PDE7B: variants seen among roughly 807,000 people sequenced by gnomAD.
The protein encoded by PDE7B is 3',5'-cyclic-AMP phosphodiesterase 7B.
A neutral mutation model predicts 56.2 loss-of-function variants in PDE7B; 29 were observed. The observed-to-expected ratio is 0.52, with a 90% CI of 0.38 to 0.70. The LOEUF (loss-of-function observed/expected upper bound fraction) is 0.70, where lower values mean the gene tolerates loss of function less well. Among genes scored for constraint, PDE7B ranks in the 30% least tolerant of loss-of-function variants. The probability of loss-of-function intolerance (pLI) is 0.00; values close to 1 mark genes in which losing one functional copy is unlikely to be tolerated. For synonymous variants in PDE7B, 197 were observed against 196.9 expected (o/e 1.00, Z 0.00); for missense variants, 490 against 565.0 (o/e 0.87, Z 1.35).
At chr6:135,984,161 TC>T (rs1474014999) in intron 2 of PDE7B, among the ~76,000 whole-genome samples, 1 of 152,212 alleles carries the variant, frequency 6.6e-6, no homozygotes, top group Non-Finnish European at 1.5e-5. Context: ...GGAAGATTTT[TC>T]ATCAGCCAGA....
chr6:135,963,304 A>G (rs1441020782), intron 2 of PDE7B, among the ~76,000 whole-genome samples: 1 of 152,134 alleles, frequency 6.6e-6, no homozygotes. Flanking sequence ...CAAGATCTCT[A>G]TTTTCTTCCT....
chr6:135,882,773 T>A (rs1775632571), intron 1 of PDE7B, among the ~76,000 whole-genome samples: 1 of 152,200 alleles, frequency 6.6e-6, no homozygotes, highest in Non-Finnish European at 1.5e-5. Flanking sequence ...CTATATCTGT[T>A]ATGCTGAGAA....
intron 1 of PDE7B, among the ~76,000 whole-genome samples, chr6:135,854,557 A>G (rs565448534): frequency 2.1e-4 from 32 of 152,324 alleles, no homozygotes; most frequent in African/African-American, 7.2e-4. Context: ...TGGCATTTGG[A>G]AATGTGAGGT....
chr6:135,944,568 CTCA>C (rs1375281441), intron 1 of PDE7B, among the ~76,000 whole-genome samples: 2 of 152,130 alleles, frequency 1.3e-5, no homozygotes, highest in Non-Finnish European at 2.9e-5. Flanking sequence ...AGAGGACCAC[CTCA>C]TTGTCATTGG....
chr6:136,079,286 G>A (rs1028338300), intron 2 of PDE7B, among the ~76,000 whole-genome samples: 3 of 152,046 alleles, frequency 2.0e-5, no homozygotes, highest in Admixed American at 6.6e-5. Context: ...TTTGTTCTCC[G>A]TTTGAAAAAC....
Position 136,154,235 on chromosome 6 carries a change from A to G in PDE7B, c.579+60A>G, listed in dbSNP as rs1778570583. 7 of 983,958 alleles carry G rather than the reference A, an allele frequency of 7.1e-6. No individual in the cohort carries two copies. In the East Asian group the frequency reaches 1.7e-4, roughly 24 times the overall value. The allele number at this position is 983,958 out of a possible 1,614,324, so 61.0% of individuals were successfully genotyped here. ...GGAAATGCCAAGGAAACTACCTGCT[A>G]GGCCCAAGTTACCCAACATATCTGA... On this transcript the variant is annotated intron_variant, in intron 7 of 12. Transcript: ENST00000308191.
At chr6:136,015,260 C>T (rs983291566) in intron 2 of PDE7B, among the ~76,000 whole-genome samples, 3 of 152,266 alleles carry the variant, frequency 2.0e-5, no homozygotes, top group South Asian at 2.1e-4. Flanking sequence ...CTGATCACTG[C>T]GGGGGTCGGG....
At chr6:136,134,233 G>T (rs949795799) in intron 3 of PDE7B, among the ~76,000 whole-genome samples, 7 of 152,126 alleles carry the variant, frequency 4.6e-5, no homozygotes, top group Non-Finnish European at 1.0e-4. Context: ...AGCAGTTGTA[G>T]TACGTTATGG....
intron 1 of PDE7B, among the ~76,000 whole-genome samples, chr6:135,867,649 C>T (rs903141781): frequency 1.3e-5 from 2 of 152,114 alleles, no homozygotes; most frequent in African/African-American, 2.4e-5. Flanking sequence ...TTTTATGAAA[C>T]GTTACTCTTC....
Position 135,903,863 on chromosome 6 carries a change from C to G in PDE7B, c.22-43601C>G, listed in dbSNP as rs115610312. ...AAAACTGGCATCCTCTATAGGGTGC[C>G]CTAGAAGGACCATTCTGTAAACATT... is the stretch of plus-strand genomic sequence containing the variant. On this transcript the variant is annotated intron_variant, in intron 1 of 12. Coordinates refer to ENST00000308191, the MANE Select transcript of PDE7B (RefSeq NM_018945.4). Among the ~76,000 whole-genome samples the G allele has an allele frequency of 4.6e-3, 692 of 151,944 alleles. 8 individuals carry two copies. The highest frequency in any genetic ancestry group is 0.016 in the African/African-American group (659 of 41,436).
chr6:136,018,189 GATTGGCA>G (rs760296818), intron 2 of PDE7B, among the ~76,000 whole-genome samples: 4 of 152,176 alleles, frequency 2.6e-5, no homozygotes, highest in Non-Finnish European at 5.9e-5. Flanking sequence ...AGGATGGAAC[GATTGGCA>G]GGATCGAGGC....
chr6:135,901,462 T>C (rs574912980), intron 1 of PDE7B, among the ~76,000 whole-genome samples: 3 of 152,320 alleles, frequency 2.0e-5, no homozygotes, highest in Non-Finnish European at 4.4e-5. Context: ...GCCCAGCTCA[T>C]AGCAGATGAC....
chr6:135,987,784 A>G (rs1040466669), intron 2 of PDE7B, among the ~76,000 whole-genome samples: 18 of 152,148 alleles, frequency 1.2e-4, no homozygotes, highest in African/African-American at 3.6e-4. Flanking sequence ...TAATAAATAC[A>G]TGAGAAGATG....
chr6:135,987,072 C>T (rs1173790497), intron 2 of PDE7B, among the ~76,000 whole-genome samples: 2 of 152,186 alleles, frequency 1.3e-5, no homozygotes, highest in Admixed American at 1.3e-4. Context: ...TAAAGTAATA[C>T]CTTTATCCAA....
intron 1 of PDE7B, among the ~76,000 whole-genome samples, chr6:135,910,879 T>A (rs1341917999): frequency 2.6e-5 from 4 of 151,986 alleles, no homozygotes; most frequent in African/African-American, 9.7e-5. Flanking sequence ...TTAATGAAAA[T>A]TTCCCCAAGA....
chr6:136,108,955 C>T, intron 3 of PDE7B, 141 bp downstream of exon 3: 3 of 655,042 alleles, frequency 4.6e-6, no homozygotes, highest in Middle Eastern at 3.6e-4. Context: ...TAGAACTTAA[C>T]CCTTTGTCTT....
chr6:136,068,842 C>T (rs1201904385), intron 2 of PDE7B, among the ~76,000 whole-genome samples: 2 of 152,172 alleles, frequency 1.3e-5, no homozygotes, highest in African/African-American at 2.4e-5. Flanking sequence ...TTAGTTGATT[C>T]TCTCCTGGAT....
intron 3 of PDE7B, among the ~76,000 whole-genome samples, chr6:136,116,787 T>C (rs1777838216): frequency 6.6e-6 from 1 of 152,250 alleles, no homozygotes; most frequent in South Asian, 2.1e-4. Flanking sequence ...TAATCATTCA[T>C]GAGCCATCTG....
At chr6:136,132,727 T>C (rs548065627) in intron 3 of PDE7B, among the ~76,000 whole-genome samples, 16 of 152,288 alleles carry the variant, frequency 1.1e-4, no homozygotes, top group African/African-American at 3.6e-4. Flanking sequence ...ATGAGATATG[T>C]CTTTGGGATC....
Sources: allele counts gnomAD v4.1 joint callset (sites outside exome capture counted in the v4.1 genomes callset), GRCh38; gene constraint gnomAD v4.1.1; transcripts MANE v1.5; gene names NCBI Gene and HGNC (gene_info 2026-07-23, HGNC 2026-07-21).